The following CLIP1 variants were observed in gnomAD, a reference collection of about 807,000 sequenced individuals.
The protein encoded by CLIP1 is CAP-Gly domain-containing linker protein 1.
A neutral mutation model predicts 161.6 loss-of-function variants in CLIP1; 66 were observed. The ratio of observed to expected loss-of-function variants is 0.41; its 90% confidence interval spans 0.33 to 0.50. The LOEUF (loss-of-function observed/expected upper bound fraction) is 0.50. CLIP1 is among the 20% of genes least tolerant of loss of function. The pLI, the probability that CLIP1 is intolerant of heterozygous loss-of-function variation, is 0.27. For missense variants in CLIP1, 1,376 were observed against 1,702.0 expected, an observed-to-expected ratio of 0.81 and a Z score of 3.37; for synonymous variants, 598 against 626.2, an observed-to-expected ratio of 0.96 and a Z score of 0.67.
intron 5 of CLIP1, among the ~76,000 whole-genome samples, chr12:122,360,577 G>C (rs1044795176): frequency 2.0e-5 from 3 of 152,054 alleles, no homozygotes; most frequent in African/African-American, 7.2e-5. Context: ...AAAAGAGAGA[G>C]AGGGAGAGAC....
At chr12:122,332,295 CAAA>C (rs1184288063) in intron 15 of CLIP1, among the ~76,000 whole-genome samples, 3 of 61,286 alleles carry the variant, frequency 4.9e-5, no homozygotes, top group Non-Finnish European at 1.0e-4. Context: ...AACTCCGTCT[CAAA>C]AAAAAAAAAA....
chr12:122,418,980 C>T (rs1956846081), intron 1 of CLIP1, among the ~76,000 whole-genome samples: 1 of 152,168 alleles, frequency 6.6e-6, no homozygotes, highest in Non-Finnish European at 1.5e-5. Flanking sequence ...AAATATTAAA[C>T]CCTCTCCCTG....
At chr12:122,418,363 T>G (rs1358061552) in intron 1 of CLIP1, among the ~76,000 whole-genome samples, 1 of 152,142 alleles carries the variant, frequency 6.6e-6, no homozygotes, top group African/African-American at 2.4e-5. Flanking sequence ...AACTATAGAT[T>G]TGCCATAATA....
chr12:122,413,672 T>C (rs766353612), intron 1 of CLIP1, among the ~76,000 whole-genome samples: 2 of 152,202 alleles, frequency 1.3e-5, no homozygotes, highest in Admixed American at 1.3e-4. Flanking sequence ...GAGAATAAAC[T>C]TCCCCAGGGT....
intron 2 of CLIP1, 142 bp downstream of exon 2, chr12:122,380,224 CAG>C (rs1179538301): frequency 2.0e-6 from 1 of 495,628 alleles, no homozygotes; most frequent in East Asian, 3.7e-5. Flanking sequence ...GCCTGGGTGA[CAG>C]AGTTAGATTC....
At chr12:122,390,235 C>T (rs1197957121) in intron 1 of CLIP1, among the ~76,000 whole-genome samples, 1,502 of 114,266 alleles carry the variant, frequency 0.013, 14 homozygotes, top group East Asian at 0.026. Context: ...CACATATATA[C>T]ACACACATAT....
At chr12:122,403,938 A>G (rs1956229132) in intron 1 of CLIP1, among the ~76,000 whole-genome samples, 2 of 152,326 alleles carry the variant, frequency 1.3e-5, no homozygotes, top group Middle Eastern at 6.8e-3. Context: ...ACATGATGAC[A>G]CTGTGTGACT....
chr12:122,394,758 C>T (rs1047058307), intron 1 of CLIP1, among the ~76,000 whole-genome samples: 10 of 151,556 alleles, frequency 6.6e-5, no homozygotes, highest in Admixed American at 2.0e-4. Context: ...TGGTGGTGCG[C>T]GCCTGTAATC....
chr12:122,386,780 G>A (rs999282173), intron 1 of CLIP1, among the ~76,000 whole-genome samples: 4 of 142,678 alleles, frequency 2.8e-5, no homozygotes, highest in Non-Finnish European at 6.0e-5. Flanking sequence ...CAGGAGGATC[G>A]TTTAAGCCAA....
At chr12:122,380,292 A>C (rs1271487613) in intron 2 of CLIP1, 76 bp downstream of exon 2, 1 of 953,238 alleles carries the variant, frequency 1.0e-6, no homozygotes, top group Non-Finnish European at 1.6e-6. Context: ...GAACAGATAT[A>C]AAATAATGTT....
At chr12:122,301,949 G>A (rs1593016151) in intron 20 of CLIP1, among the ~76,000 whole-genome samples, 3 of 152,294 alleles carry the variant, frequency 2.0e-5, no homozygotes, top group Middle Eastern at 3.4e-3. Context: ...GTCTGGAGAC[G>A]ATGCTCTTGG....
At chr12:122,410,661 G>A (rs548253649) in intron 1 of CLIP1, among the ~76,000 whole-genome samples, 3 of 152,080 alleles carry the variant, frequency 2.0e-5, no homozygotes, top group East Asian at 1.9e-4. Context: ...GTTTTGCCAT[G>A]TTGGCCAGGC....
intron 15 of CLIP1, among the ~76,000 whole-genome samples, chr12:122,328,919 T>C (rs1951819436): frequency 6.6e-6 from 1 of 152,230 alleles, no homozygotes; most frequent in South Asian, 2.1e-4. Flanking sequence ...ATAATCATTT[T>C]ACCAGTTATG....
At chr12:122,336,785 AC>A in intron 11 of CLIP1, 37 bp from the exon 12 acceptor site, 1 of 888,108 alleles carries the variant, frequency 1.1e-6, no homozygotes, top group Non-Finnish European at 1.7e-6. Context: ...AAGCAAATGA[AC>A]AAAAGGAAAA....
At chr12:122,352,416 T>C (rs1300202526) in intron 8 of CLIP1, among the ~76,000 whole-genome samples, 1 of 152,136 alleles carries the variant, frequency 6.6e-6, no homozygotes, top group Non-Finnish European at 1.5e-5. Context: ...ACGAACACCA[T>C]TAAGTCTCAC....
At chr12:122,356,611 TCCCTCTCC>T (rs1953378525) in intron 5 of CLIP1, among the ~76,000 whole-genome samples, 1 of 150,416 alleles carries the variant, frequency 6.6e-6, no homozygotes, top group African/African-American at 2.5e-5. Context: ...TCTCCCTCTC[TCCCTCTCC>T]CTCTCTCCCT....
At chr12:122,385,247 G>C (rs939811053) in intron 1 of CLIP1, among the ~76,000 whole-genome samples, 3 of 151,964 alleles carry the variant, frequency 2.0e-5, no homozygotes, top group Non-Finnish European at 4.4e-5. Context: ...AATTTTTAAA[G>C]GGTGTTTGAA....
At chr12:122,378,869 T>G (rs140345595) in intron 2 of CLIP1, among the ~76,000 whole-genome samples, 2,871 of 152,228 alleles carry the variant, frequency 0.019, 75 homozygotes, top group African/African-American at 0.062. Context: ...CTCACACCTG[T>G]AATCCCAGCA....
chr12:122,320,842 TG>T (rs1474899167), intron 17 of CLIP1, among the ~76,000 whole-genome samples: 1 of 151,262 alleles, frequency 6.6e-6, no homozygotes, highest in African/African-American at 2.4e-5. Flanking sequence ...CCTGAGTAGC[TG>T]GAACTACAGG....
Sources: allele counts gnomAD v4.1 joint callset (sites outside exome capture counted in the v4.1 genomes callset), GRCh38; gene constraint gnomAD v4.1.1; transcripts MANE v1.5; gene names NCBI Gene and HGNC (gene_info 2026-07-23, HGNC 2026-07-21).